CSMD1: variants seen among roughly 807,000 people sequenced by gnomAD.
CSMD1 encodes the protein CUB and sushi domain-containing protein 1.
A neutral mutation model predicts 417.5 loss-of-function variants in CSMD1; 213 were observed. That is an observed-to-expected ratio of 0.51 (90% CI 0.46 to 0.57). CSMD1 has a LOEUF of 0.57. CSMD1 is among the 20% of genes least tolerant of loss of function. CSMD1 has a pLI of 0.00. For synonymous variants in CSMD1, 2,862 were observed against 1,736.8 expected (o/e 1.65, Z -16.11); for missense variants, 6,923 against 4,529.7 (o/e 1.53, Z -15.17).
At chr8:4,390,497 T>TTTTTATTTATTTATTTATTTA (rs58291340) in intron 3 of CSMD1, among the ~76,000 whole-genome samples, 3 of 140,324 alleles carry the variant, frequency 2.1e-5, no homozygotes, top group African/African-American at 5.4e-5. Flanking sequence ...AAGCGTCCAT[T>TTTTTATTTATTTATTTATTTA]TTTATTTATT....
chr8:3,652,067 C>CCATCAGAGCGCTTACCA (rs1554500027), intron 7 of CSMD1, among the ~76,000 whole-genome samples: 4 of 146,844 alleles, frequency 2.7e-5, no homozygotes, highest in East Asian at 2.1e-4. Flanking sequence ...CGCACTTACC[C>CCATCAGAGCGCTTACCA]CCATCAGAGC....
At chr8:3,723,308 G>T (rs948337076) in intron 6 of CSMD1, among the ~76,000 whole-genome samples, 10 of 152,114 alleles carry the variant, frequency 6.6e-5, no homozygotes, top group African/African-American at 2.2e-4. Flanking sequence ...TCAGGAAAAA[G>T]TCCCTTTTAA....
chr8:4,414,952 AT>A (rs1377052344), intron 3 of CSMD1, among the ~76,000 whole-genome samples: 1 of 152,082 alleles, frequency 6.6e-6, no homozygotes, highest in East Asian at 1.9e-4. Context: ...CCCTGCATTT[AT>A]TTTGGGACAA....
intron 1 of CSMD1, among the ~76,000 whole-genome samples, chr8:4,747,832 T>C (rs1811055246): frequency 6.6e-6 from 1 of 152,228 alleles, no homozygotes; most frequent in Non-Finnish European, 1.5e-5. Context: ...TAAATGTCTC[T>C]ATTCATCAAC....
chr8:4,931,146 C>A (rs1373662018), intron 1 of CSMD1, among the ~76,000 whole-genome samples: 1 of 152,040 alleles, frequency 6.6e-6, no homozygotes, highest in Non-Finnish European at 1.5e-5. Flanking sequence ...TTACGTTTTA[C>A]CTTAATTTGT....
chr8:3,850,632 T>C (rs974300828), intron 5 of CSMD1, among the ~76,000 whole-genome samples: 2 of 151,756 alleles, frequency 1.3e-5, no homozygotes, highest in African/African-American at 4.8e-5. Flanking sequence ...GGGGCGGAGG[T>C]TGAGGTGAGC....
At chr8:3,280,572 A>G (rs1251943788) in intron 26 of CSMD1, among the ~76,000 whole-genome samples, 2 of 152,200 alleles carry the variant, frequency 1.3e-5, no homozygotes, top group African/African-American at 4.8e-5. Context: ...CAGAATTTGG[A>G]TTTATTAACT....
intron 3 of CSMD1, among the ~76,000 whole-genome samples, chr8:4,359,248 C>G (rs1452081900): frequency 1.3e-5 from 2 of 152,114 alleles, no homozygotes; most frequent in Non-Finnish European, 2.9e-5. Flanking sequence ...TCTGAGATTA[C>G]TTCACTCTTC....
intron 25 of CSMD1, among the ~76,000 whole-genome samples, chr8:3,284,957 C>T (rs549226410): frequency 6.6e-6 from 1 of 152,178 alleles, no homozygotes; most frequent in South Asian, 2.1e-4. Context: ...TACCATACTT[C>T]TATTAGACTT....
rs188382237 is a variant in CSMD1 at position 3,666,428 on chromosome 8, C to G, written c.1009+41986G>C. Among the ~76,000 whole-genome samples the G allele has an allele frequency of 2.6e-3, 401 of 152,206 alleles. 1 individual carries two copies. The highest frequency in any genetic ancestry group is 9.3e-3 in the African/African-American group (385 of 41,544). On this transcript the variant is annotated intron_variant, in intron 7 of 69. Coordinates refer to ENST00000635120, the MANE Select transcript of CSMD1 (RefSeq NM_033225.6). ...AATATCTGATTTTAATGTATACTTG[C>G]TAAAATAATTAAGACAGAAATACTG...
rs534862995 is a variant in CSMD1 at position 3,274,493 on chromosome 8, C to G, written c.4153+9651G>C. On this transcript the variant is annotated intron_variant, in intron 26 of 69. Transcript: ENST00000635120. ...GTTCCTGGGTATGCTTGTTGACTTT[C>G]TGTCTTGTTGATCTGTCTAAAGTTG... Among the ~76,000 whole-genome samples, 140 of 152,260 alleles carry G rather than the reference C, an allele frequency of 9.2e-4. 1 individual carries two copies. Among genetic ancestry groups the G allele is most frequent in the African/African-American group, 3.2e-3 (132 of 41,540 alleles).
chr8:4,574,577 TG>T (rs1799046844), intron 2 of CSMD1, among the ~76,000 whole-genome samples: 1 of 152,206 alleles, frequency 6.6e-6, no homozygotes, highest in Admixed American at 6.5e-5. Flanking sequence ...TCGGTCATCT[TG>T]CTGAGTTCCA....
At position 3,399,091 on chromosome 8, in the gene CSMD1, C is replaced by G. The variant is rs1396033695; in HGVS notation, c.2405+300G>C. 2.0e-5 allele frequency among the ~76,000 whole-genome samples: 3 copies of G among 152,112 alleles called. No individual in the cohort carries two copies. The South Asian group carries it at 6.2e-4, about 32-fold the overall frequency. ...TTTCCATGTGCAATCAGACATCAAG[C>G]TGAATTGATTCCAGTGCAGGTCCCA... On this transcript the variant is annotated intron_variant, in intron 16 of 69. Coordinates refer to ENST00000635120, the MANE Select transcript of CSMD1 (RefSeq NM_033225.6).
intron 5 of CSMD1, among the ~76,000 whole-genome samples, chr8:3,900,069 G>C (rs544109458): frequency 6.6e-6 from 1 of 151,886 alleles, no homozygotes; most frequent in Non-Finnish European, 1.5e-5. Context: ...GGTAACACTA[G>C]CTGGGTGACA....
At chr8:4,643,072 G>A (rs1041818993) in intron 1 of CSMD1, among the ~76,000 whole-genome samples, 2 of 152,170 alleles carry the variant, frequency 1.3e-5, no homozygotes, top group African/African-American at 4.8e-5. Flanking sequence ...AGCGTATATA[G>A]ATTTGTGTGT....
intron 52 of CSMD1, among the ~76,000 whole-genome samples, chr8:3,006,989 C>T (rs199819691): frequency 0.016 from 2,347 of 143,934 alleles, 44 homozygotes; most frequent in East Asian, 0.039. Flanking sequence ...AACGGGCAAC[C>T]TACAGAATGG....
chr8:4,696,142 T>A (rs999793099), intron 1 of CSMD1, among the ~76,000 whole-genome samples: 1 of 152,210 alleles, frequency 6.6e-6, no homozygotes, highest in Non-Finnish European at 1.5e-5. Context: ...GAACAGTTTT[T>A]GTTACATGAA....
chr8:3,297,276 A>G (rs556551374), intron 25 of CSMD1, among the ~76,000 whole-genome samples: 1 of 152,346 alleles, frequency 6.6e-6, no homozygotes, highest in Admixed American at 6.5e-5. Context: ...ATGTCATGGG[A>G]TATCAATAAA....
At chr8:4,949,358 A>G (rs1808581815) in intron 1 of CSMD1, among the ~76,000 whole-genome samples, 1 of 152,134 alleles carries the variant, frequency 6.6e-6, no homozygotes. Flanking sequence ...TATTATTTGT[A>G]AATGTTTGTG....
Sources: allele counts gnomAD v4.1 joint callset (sites outside exome capture counted in the v4.1 genomes callset), GRCh38; gene constraint gnomAD v4.1.1; transcripts MANE v1.5; gene names NCBI Gene and HGNC (gene_info 2026-07-23, HGNC 2026-07-21).